SYT2: variants seen among roughly 807,000 people sequenced by gnomAD.
SYT2 encodes synaptotagmin-2.
A neutral mutation model predicts 39.9 loss-of-function variants in SYT2; 15 were observed. The observed-to-expected ratio is 0.38, with a 90% CI of 0.25 to 0.58. SYT2 has a LOEUF of 0.58. Among genes scored for constraint, SYT2 ranks in the 20% least tolerant of loss-of-function variants. The pLI is 0.70. For missense variants in SYT2, 389 were observed against 530.3 expected (o/e 0.73, Z 2.62); for synonymous variants, 181 against 204.5 (o/e 0.89, Z 0.98).
intron 1 of SYT2, among the ~76,000 whole-genome samples, chr1:202,682,220 G>A (rs535183232): frequency 5.3e-5 from 8 of 152,322 alleles, no homozygotes; most frequent in South Asian, 2.1e-4. Flanking sequence ...AAGGGAGCAC[G>A]TTGGCTGACT....
At chr1:202,677,404 C>T (rs142490905) in intron 1 of SYT2, among the ~76,000 whole-genome samples, 60 of 152,294 alleles carry the variant, frequency 3.9e-4, no homozygotes, top group African/African-American at 1.3e-3. Context: ...AATGCACTTC[C>T]ACCTTGTTCT....
chr1:202,682,203 G>A (rs1452136730), intron 1 of SYT2, among the ~76,000 whole-genome samples: 1 of 152,204 alleles, frequency 6.6e-6, no homozygotes, highest in Non-Finnish European at 1.5e-5. Flanking sequence ...GGCACACGGG[G>A]GTATTCAAGG....
At chr1:202,680,224 G>A (rs1653490014) in intron 1 of SYT2, among the ~76,000 whole-genome samples, 1 of 152,202 alleles carries the variant, frequency 6.6e-6, no homozygotes, top group African/African-American at 2.4e-5. Flanking sequence ...TGAAAATTCA[G>A]AGGATTCAAA....
intron 1 of SYT2, among the ~76,000 whole-genome samples, chr1:202,631,507 C>G (rs1264981670): frequency 6.6e-6 from 1 of 152,134 alleles, no homozygotes; most frequent in East Asian, 1.9e-4. Flanking sequence ...AAGCAAAGTC[C>G]CCTGAGAGGA....
chr1:202,652,485 T>C (rs1692211549), intron 1 of SYT2, among the ~76,000 whole-genome samples: 1 of 152,196 alleles, frequency 6.6e-6, no homozygotes, highest in South Asian at 2.1e-4. Context: ...ACCTCCTGCA[T>C]CCTTGACAGC....
At chr1:202,603,493 A>T (rs1030931113) in intron 3 of SYT2, among the ~76,000 whole-genome samples, 4 of 152,198 alleles carry the variant, frequency 2.6e-5, no homozygotes, top group African/African-American at 9.7e-5. Flanking sequence ...TCCCCAGCTC[A>T]GGCCCCACGC....
chr1:202,600,459 C>T lies in SYT2; in HGVS notation c.817G>A (p.Asp273Asn), dbSNP rs1255861877. The T allele has an allele frequency of 2.5e-6, 4 of 1,614,146 alleles. No individual in the cohort carries two copies. The highest frequency in any genetic ancestry group is 2.2e-5 in the East Asian group (1 of 44,882). Residue 273 changes from aspartate to asparagine, a missense_variant, in exon 7 of 9, where the codon GAC becomes AAC. Asp to Asn is a conservative substitution (Grantham distance 23). This residue lies in a region of SYT2 where 21 missense variants were observed against 47.0 expected (regional missense o/e 0.45). Coordinates refer to ENST00000367268, the MANE Select transcript of SYT2 (RefSeq NM_177402.5). ...GEKEEPEKLG[D>N]ICTSLRYVPT... ...ACATAGCGCAGGGAGGTGCAGATGTCGCCCAGCTTCTCCGGCTGTCCAGGG... is the reference window on the plus strand; with the variant it reads ...ACATAGCGCAGGGAGGTGCAGATGTTGCCCAGCTTCTCCGGCTGTCCAGGG...
At chr1:202,606,399 C>T (rs1397846474) in intron 1 of SYT2, among the ~76,000 whole-genome samples, 5 of 152,140 alleles carry the variant, frequency 3.3e-5, no homozygotes, top group Admixed American at 1.3e-4. Flanking sequence ...CTGAGGGCTC[C>T]TCTTTCAACC....
At chr1:202,674,861 C>T (rs1296370080) in intron 1 of SYT2, among the ~76,000 whole-genome samples, 1 of 152,170 alleles carries the variant, frequency 6.6e-6, no homozygotes, top group African/African-American at 2.4e-5. Flanking sequence ...GGCCCCCTCC[C>T]CCACTGCCCA....
At chr1:202,691,023 G>A (rs1054893504) in intron 1 of SYT2, among the ~76,000 whole-genome samples, 7 of 152,150 alleles carry the variant, frequency 4.6e-5, no homozygotes, top group African/African-American at 1.7e-4. Flanking sequence ...GCACACAACA[G>A]TCTTCTCTGC....
chr1:202,641,783 C>T (rs565113536), intron 1 of SYT2, among the ~76,000 whole-genome samples: 113 of 152,368 alleles, frequency 7.4e-4, no homozygotes, highest in African/African-American at 2.5e-3. Flanking sequence ...AGGTCCTTGA[C>T]ATCACCCTTT....
intron 1 of SYT2, among the ~76,000 whole-genome samples, chr1:202,644,880 C>A (rs1215434600): frequency 6.6e-5 from 10 of 151,972 alleles, no homozygotes; most frequent in Non-Finnish European, 8.8e-5. Context: ...CCCGAAGAAG[C>A]CGGGGACTGA....
chr1:202,673,949 A>G (rs1417122906), intron 1 of SYT2, among the ~76,000 whole-genome samples: 1 of 152,120 alleles, frequency 6.6e-6, no homozygotes, highest in East Asian at 1.9e-4. Context: ...AGGAGTGGAT[A>G]TGGGAACCTG....
In SYT2 at chr1:202,628,132, G is replaced by A. The variant is rs549748924; in HGVS notation, c.-17-22343C>T. Among the ~76,000 whole-genome samples the A allele has an allele frequency of 3.3e-5, 5 of 152,328 alleles. No individual in the cohort carries two copies. The highest frequency in any genetic ancestry group is 2.6e-4 in the Admixed American group (4 of 15,306). On this transcript the variant is annotated intron_variant, in intron 1 of 8. Coordinates refer to ENST00000367268, the MANE Select transcript of SYT2 (RefSeq NM_177402.5). The surrounding 1 kb of genome is among the most constrained non-coding windows in gnomAD (Gnocchi z 4.2). Reference sequence around the variant, plus strand: ...GGGAGACCTCCACTGTGCCCACTCCGTGCCAGCGGCATATTTCATTTCATC... The same window carrying A: ...GGGAGACCTCCACTGTGCCCACTCCATGCCAGCGGCATATTTCATTTCATC...
rs1690405348 is a variant in SYT2, at chr1:202,599,124, A to G, written c.1053+94T>C. 1.9e-5 allele frequency: 29 copies of G among 1,518,286 alleles called. 1 individual carries two copies. The South Asian group carries it at 3.4e-4, about 18-fold the overall frequency. 94.1% of individuals were successfully genotyped at this position (1,518,286 alleles called of 1,614,324 possible). On this transcript the variant is annotated intron_variant, in intron 8 of 8. Transcript: ENST00000367268. This position sits in a 1 kb window ranked among gnomAD's most constrained non-coding sequence, Gnocchi z 4.4. ...TTCCCCTACCAAGAAAGGCTGTTCC[A>G]TGGTCTCTAGGTGAGTTCCCTCTCT...
rs138525606 is a variant in SYT2 at position 202,684,324 on chromosome 1, C to T, written c.-18+25934G>A. ...CCCATCCCTGGTAACCATTGATCTA[C>T]TCTCCGTTTCTATTTATTCAGCTTT... On this transcript the variant is annotated intron_variant, in intron 1 of 8. Transcript: ENST00000367268. 2.4e-3 allele frequency among the ~76,000 whole-genome samples: 361 copies of T among 150,806 alleles called. 2 individuals carry two copies. The highest frequency in any genetic ancestry group is 4.8e-3 in the Non-Finnish European group (322 of 67,724).
intron 1 of SYT2, among the ~76,000 whole-genome samples, chr1:202,662,198 C>T (rs1692394784): frequency 6.6e-6 from 1 of 152,200 alleles, no homozygotes; most frequent in African/African-American, 2.4e-5. Context: ...ACACCATGGG[C>T]AAAGACCAGG....
intron 1 of SYT2, among the ~76,000 whole-genome samples, chr1:202,647,456 TC>T (rs138885812): frequency 0.046 from 6,946 of 151,374 alleles, 503 homozygotes; most frequent in African/African-American, 0.16. Flanking sequence ...TTGGGAGGCT[TC>T]CCCCCCCAAC....
chr1:202,678,597 G>A (rs557758167), intron 1 of SYT2, among the ~76,000 whole-genome samples: 2 of 151,984 alleles, frequency 1.3e-5, no homozygotes, highest in South Asian at 2.1e-4. Context: ...CTTTCTCTGG[G>A]GCTTCCCCCC....
Sources: gnomAD v4.1 joint callset for allele counts (sites outside exome capture counted in the v4.1 genomes callset) on GRCh38, gnomAD v4.1.1 for gene constraint, gnomAD v4.1.1 regional missense constraint, Gnocchi (gnomAD v3.1) non-coding constraint, MANE v1.5 for transcripts, NCBI Gene and HGNC (gene_info 2026-07-23, HGNC 2026-07-21) for gene names.